PLXNA4: variants seen among roughly 807,000 people sequenced by gnomAD.
The protein encoded by PLXNA4 is plexin-A4.
A neutral mutation model predicts 191.8 loss-of-function variants in PLXNA4; 44 were observed. That is an observed-to-expected ratio of 0.23 (90% confidence interval 0.18 to 0.29). The LOEUF (loss-of-function observed/expected upper bound fraction) is 0.29, where lower values mean the gene tolerates loss of function less well. Among genes scored for constraint, PLXNA4 ranks in the 10% least tolerant of loss-of-function variants. PLXNA4 has a pLI of 1.00. For synonymous variants in PLXNA4, 1,082 were observed against 1,009.5 expected (o/e 1.07, Z -1.36); for missense variants, 1,800 against 2,488.8 (o/e 0.72, Z 5.89).
intron 2 of PLXNA4, among the ~76,000 whole-genome samples, chr7:132,645,516 A>C (rs1803849742): frequency 6.6e-6 from 1 of 152,170 alleles, no homozygotes; most frequent in Non-Finnish European, 1.5e-5. Context: ...ATTATAAATT[A>C]CCCAGTCTTG....
In PLXNA4 at chr7:132,463,692, C is replaced by T. The variant is rs181680868; in HGVS notation, c.1371+25600G>A. ...TCTGCTCATTCTTCCCTCTGGCTTA[C>T]GGGGACACACCATGAGGGCCACTGT... On this transcript the variant is annotated intron_variant, in intron 3 of 31. Transcript: ENST00000321063. 2.0e-3 allele frequency among the ~76,000 whole-genome samples: 306 copies of T among 152,306 alleles called. 3 individuals are homozygous for T. The highest frequency in any genetic ancestry group is 6.7e-3 in the African/African-American group (279 of 41,560).
intron 1 of PLXNA4, among the ~76,000 whole-genome samples, chr7:132,530,240 A>T (rs1038212262): frequency 6.6e-6 from 1 of 152,228 alleles, no homozygotes; most frequent in Admixed American, 6.5e-5. Flanking sequence ...GTCAAAACTT[A>T]TTCAACTGTC....
At chr7:132,468,197 C>T (rs900998122) in intron 3 of PLXNA4, among the ~76,000 whole-genome samples, 18 of 152,146 alleles carry the variant, frequency 1.2e-4, no homozygotes, top group Admixed American at 1.3e-4. Flanking sequence ...ATAGACAAAT[C>T]GTACATTCAA....
chr7:132,587,236 A>G (rs919471522), intron 2 of PLXNA4, among the ~76,000 whole-genome samples: 1 of 152,224 alleles, frequency 6.6e-6, no homozygotes. Flanking sequence ...AGTAAGGCTC[A>G]AGGGAACATA....
chr7:132,412,571 A>G (rs1452681606), intron 3 of PLXNA4, among the ~76,000 whole-genome samples: 1 of 152,238 alleles, frequency 6.6e-6, no homozygotes, highest in East Asian at 1.9e-4. Flanking sequence ...ATAGAGGGCA[A>G]TTGCTTTTTA....
At chr7:132,513,332 T>C (rs1156786347) in intron 1 of PLXNA4, among the ~76,000 whole-genome samples, 1 of 152,246 alleles carries the variant, frequency 6.6e-6, no homozygotes, top group Admixed American at 6.5e-5. Context: ...ATTACCTTGT[T>C]CTGAATTTCT....
chr7:132,547,543 G>A (rs994901317), intron 1 of PLXNA4, among the ~76,000 whole-genome samples: 2 of 152,098 alleles, frequency 1.3e-5, no homozygotes, highest in East Asian at 3.9e-4. Flanking sequence ...GTGAGTAGTA[G>A]GAGTCAAGAC....
At chr7:132,286,056 T>C (rs1800671459) in intron 4 of PLXNA4, among the ~76,000 whole-genome samples, 5 of 152,150 alleles carry the variant, frequency 3.3e-5, no homozygotes, top group Non-Finnish European at 7.4e-5. Context: ...CAAACTGACA[T>C]CTTTTTCTTC....
At chr7:132,334,093 C>T (rs572180831) in intron 3 of PLXNA4, among the ~76,000 whole-genome samples, 2 of 152,138 alleles carry the variant, frequency 1.3e-5, no homozygotes, top group South Asian at 4.2e-4. Flanking sequence ...TATGTAATCT[C>T]CTTAATGGAA....
intron 1 of PLXNA4, among the ~76,000 whole-genome samples, chr7:132,575,234 G>GA (rs1802169873): frequency 6.6e-6 from 1 of 152,162 alleles, no homozygotes; most frequent in Non-Finnish European, 1.5e-5. Context: ...ACCTCCTCCA[G>GA]AAAAAGTTAA....
At chr7:132,387,525 G>C (rs1805202666) in intron 3 of PLXNA4, among the ~76,000 whole-genome samples, 1 of 152,196 alleles carries the variant, frequency 6.6e-6, no homozygotes, top group South Asian at 2.1e-4. Flanking sequence ...GAAAAGCTGA[G>C]AAAACTGAAT....
chr7:132,489,507 G>A (rs1481897816), intron 2 of PLXNA4, 33 bp from the exon 3 acceptor site: 1 of 1,495,710 alleles, frequency 6.7e-7, no homozygotes, highest in African/African-American at 1.4e-5. Flanking sequence ...AATTAGAAGG[G>A]AGCGTCAAGG....
chr7:132,448,304 T>C (rs1013487009), intron 3 of PLXNA4, among the ~76,000 whole-genome samples: 4 of 152,328 alleles, frequency 2.6e-5, no homozygotes, highest in East Asian at 1.9e-4. Flanking sequence ...AGAGTGGCCA[T>C]TGCCAGCTCA....
chr7:132,185,068 G>A (rs1480713384), intron 16 of PLXNA4, among the ~76,000 whole-genome samples: 1 of 152,110 alleles, frequency 6.6e-6, no homozygotes, highest in Non-Finnish European at 1.5e-5. Context: ...TGGGAAAGGT[G>A]GGTTCTTGTT....
At chr7:132,505,176 T>C (rs1798409951) in intron 2 of PLXNA4, among the ~76,000 whole-genome samples, 1 of 152,238 alleles carries the variant, frequency 6.6e-6, no homozygotes, top group Non-Finnish European at 1.5e-5. Flanking sequence ...AAAAGCTTGT[T>C]ATCTTGCTCC....
rs1803481034 is a variant in PLXNA4 at position 132,630,973 on chromosome 7, A to G, written c.-87+14955T>C. On this transcript the variant is annotated intron_variant, in intron 2 of 4. Coordinates refer to the PLXNA4 transcript ENST00000378539. ...AACTAAAACCCTTCAACTTCTTCCCATGACACACAGAAAGAACTTTCAAAC... is the reference window on the plus strand; with the variant it reads ...AACTAAAACCCTTCAACTTCTTCCCGTGACACACAGAAAGAACTTTCAAAC... Among the ~76,000 whole-genome samples the G allele has an allele frequency of 2.0e-5, 3 of 152,342 alleles. No homozygotes were observed. In the South Asian group the frequency reaches 6.2e-4, roughly 32 times the overall value.
At chr7:132,228,292 G>C in intron 6 of PLXNA4, 54 bp downstream of exon 6, 1 of 1,608,740 alleles carries the variant, frequency 6.2e-7, no homozygotes, top group Non-Finnish European at 8.5e-7. Context: ...TTTTTAGTGA[G>C]GGGAGAGTTT....
intron 2 of PLXNA4, among the ~76,000 whole-genome samples, chr7:132,494,663 C>T (rs545007531): frequency 1.6e-3 from 237 of 152,306 alleles, no homozygotes; most frequent in Non-Finnish European, 2.8e-3. Context: ...GCGCTTCCCT[C>T]GTGCACCGCA....
intron 1 of PLXNA4, among the ~76,000 whole-genome samples, chr7:132,557,541 C>CT (rs200497175): frequency 6.4e-4 from 74 of 114,966 alleles, no homozygotes; most frequent in South Asian, 1.1e-3. Context: ...TTTAATTTAT[C>CT]TTTTTTTTAA....
Sources: gnomAD v4.1 joint callset for allele counts (sites outside exome capture counted in the v4.1 genomes callset) on GRCh38, gnomAD v4.1.1 for gene constraint, MANE v1.5 for transcripts, NCBI Gene and HGNC (gene_info 2026-07-23, HGNC 2026-07-21) for gene names.